The following PCDHGA6 variants were observed in gnomAD, a reference collection of about 807,000 sequenced individuals.
PCDHGA6 encodes protocadherin gamma-A6.
In PCDHGA6, 41 loss-of-function variants were observed where a neutral mutation model predicts 60.6. That is an observed-to-expected ratio of 0.68 (90% confidence interval 0.53 to 0.88). PCDHGA6 has a LOEUF of 0.88. Ranked by LOEUF, PCDHGA6 falls within the 40% of genes least tolerant of loss-of-function variation. The pLI, the probability that PCDHGA6 is intolerant of heterozygous loss-of-function variation, is 0.00. For synonymous variants in PCDHGA6, 594 were observed against 524.4 expected (o/e 1.13, Z -1.81); for missense variants, 1,312 against 1,203.0 (o/e 1.09, Z -1.34).
intron 1 of PCDHGA6, among the ~76,000 whole-genome samples, chr5:141,381,686 AAAC>A (rs1269227136): frequency 2.6e-5 from 4 of 152,308 alleles, no homozygotes; most frequent in Non-Finnish European, 4.4e-5. Context: ...CAGCCAAGAC[AAAC>A]AACGATTTCT....
At position 141,393,913 on chromosome 5, in the gene PCDHGA6, C is replaced by T. The variant is rs1170452204; in HGVS notation, c.2424+17406C>T. ...AATTCTCTTCCCGGGACAGTAATTG[C>T]CTTCTTGAGTGTGCATGACCAAGAC... On this transcript the variant is annotated intron_variant, in intron 1 of 3. Coordinates refer to ENST00000517434, the MANE Select transcript of PCDHGA6 (RefSeq NM_018919.3). 3.1e-6 allele frequency: 5 copies of T among 1,613,780 alleles called. No homozygotes were observed. The South Asian group carries it at 3.3e-5, about 11-fold the overall frequency.
chr5:141,384,248 C>T (rs1443335110), intron 1 of PCDHGA6: 2 of 1,613,866 alleles, frequency 1.2e-6, no homozygotes, highest in South Asian at 2.2e-5. Flanking sequence ...GATAACCCAC[C>T]CACCTTCCCC....
chr5:141,487,068 T>C lies in PCDHGA6; in HGVS notation c.2425-7739T>C. ...TATGCTGGGGAGGTGCGGACGGCTG[T>C]TCCTATCCCAGCTGACCTCCCACCA... On this transcript the variant is annotated intron_variant, in intron 1 of 3. Transcript: ENST00000517434. The surrounding 1 kb of genome is among the most constrained non-coding windows in gnomAD (Gnocchi z 5.0). The C allele has an allele frequency of 6.2e-7, 1 of 1,614,166 alleles. No individual in the cohort carries two copies. The highest frequency in any genetic ancestry group is 8.5e-7 in the Non-Finnish European group (1 of 1,180,016).
chr5:141,450,758 A>G (rs1007910264), intron 1 of PCDHGA6, among the ~76,000 whole-genome samples: 2 of 151,784 alleles, frequency 1.3e-5, no homozygotes, highest in African/African-American at 4.8e-5. Flanking sequence ...AAGTGCCGGG[A>G]TTACAGGCAT....
At chr5:141,392,682 C>T in intron 1 of PCDHGA6, 2 of 1,035,550 alleles carry the variant, frequency 1.9e-6, no homozygotes, top group Non-Finnish European at 2.7e-6. Flanking sequence ...TGGACTGCAG[C>T]GAAACCCGAC....
At chr5:141,481,879 A>G (rs1204365605) in intron 1 of PCDHGA6, among the ~76,000 whole-genome samples, 1 of 144,890 alleles carries the variant, frequency 6.9e-6, no homozygotes, top group Non-Finnish European at 1.5e-5. Context: ...GCGCCACTGC[A>G]CTCCAGCCTG....
intron 1 of PCDHGA6, chr5:141,387,676 G>C: frequency 2.7e-6 from 2 of 732,232 alleles, no homozygotes; most frequent in Non-Finnish European, 4.3e-6. Context: ...AGATCTCCTC[G>C]CGCAGCCGCA....
At chr5:141,415,754 T>TTTG (rs2095935149) in intron 1 of PCDHGA6, 3 of 1,385,710 alleles carry the variant, frequency 2.2e-6, no homozygotes, top group African/African-American at 1.5e-5. Context: ...TTTTTTTTTT[T>TTTG]TTTTTTTTTT....
rs773126086 is a variant in PCDHGA6 at position 141,487,392 on chromosome 5, G to C, written c.2425-7415G>C. The C allele has an allele frequency of 6.2e-7, 1 of 1,614,176 alleles. No homozygotes were observed. Among genetic ancestry groups the C allele is most frequent in the Non-Finnish European group, 8.5e-7 (1 of 1,180,024 alleles). ...GCCTGTCTCACCAGATCTCGAAGGA[G>C]GGAGGGGCTTCCCCCTTCCAATGGG... On this transcript the variant is annotated intron_variant, in intron 1 of 3. Coordinates refer to ENST00000517434, the MANE Select transcript of PCDHGA6 (RefSeq NM_018919.3). This position sits in a 1 kb window ranked among gnomAD's most constrained non-coding sequence, Gnocchi z 5.0.
intron 1 of PCDHGA6, chr5:141,376,904 G>A (rs1773512555): frequency 5.3e-6 from 1 of 188,504 alleles, no homozygotes; most frequent in African/African-American, 2.4e-5. Context: ...AGCCAGGATG[G>A]TCTCGATCTC....
intron 2 of PCDHGA6, among the ~76,000 whole-genome samples, chr5:141,497,158 T>A (rs2099774560): frequency 6.6e-6 from 1 of 151,860 alleles, no homozygotes; most frequent in African/African-American, 2.4e-5. Flanking sequence ...AAAAATAATC[T>A]AGCCACAAAT....
At chr5:141,435,875 T>C (rs1324511823) in intron 1 of PCDHGA6, among the ~76,000 whole-genome samples, 1 of 152,100 alleles carries the variant, frequency 6.6e-6, no homozygotes, top group African/African-American at 2.4e-5. Flanking sequence ...AGAAAAGAGA[T>C]TGGAAACCCC....
At chr5:141,382,839 T>TA in intron 1 of PCDHGA6, 1 of 1,450,270 alleles carries the variant, frequency 6.9e-7, no homozygotes, top group South Asian at 1.4e-5. Flanking sequence ...TCCACCCGGA[T>TA]ACACCCGCAT....
chr5:141,414,404 T>A, intron 1 of PCDHGA6: 1 of 1,613,886 alleles, frequency 6.2e-7, no homozygotes, highest in Non-Finnish European at 8.5e-7. Context: ...AGATTGGTGA[T>A]ACACAGAGCC....
chr5:141,383,790 T>C, intron 1 of PCDHGA6: 1 of 1,614,006 alleles, frequency 6.2e-7, no homozygotes. Context: ...TGAACTCGCT[T>C]ACAGGAGAAA....
intron 1 of PCDHGA6, chr5:141,409,042 C>A: frequency 5.0e-6 from 8 of 1,614,034 alleles, no homozygotes; most frequent in Middle Eastern, 1.6e-4. Context: ...TAAACTACTA[C>A]TTCCGAAGCA....
At chr5:141,410,523 A>G (rs2095403267) in intron 1 of PCDHGA6, 3 of 1,613,800 alleles carry the variant, frequency 1.9e-6, no homozygotes, top group South Asian at 2.2e-5. Flanking sequence ...GTGCCCCTAC[A>G]TTCCAATGAA....
At position 141,413,207 on chromosome 5, in the gene PCDHGA6, C is replaced by T. The variant is rs563279284; in HGVS notation, c.2424+36700C>T. The T allele has an allele frequency of 4.7e-5, 76 of 1,612,874 alleles. 2 individuals carry two copies. The South Asian group carries it at 7.6e-4, about 16-fold the overall frequency. ...GCTCAAAGGAATCGCTCAAAGGAAT[C>T]AAAGGATTGCAGCGGGCTGGTCCTG... On this transcript the variant is annotated intron_variant, in intron 1 of 3. Coordinates refer to ENST00000517434, the MANE Select transcript of PCDHGA6 (RefSeq NM_018919.3).
intron 1 of PCDHGA6, chr5:141,478,112 G>A (rs2099430344): frequency 1.2e-6 from 2 of 1,613,968 alleles, no homozygotes; most frequent in South Asian, 2.2e-5. Flanking sequence ...CACTGTGTCA[G>A]TAACCGAGGA....
Sources: gnomAD v4.1 joint callset for allele counts (sites outside exome capture counted in the v4.1 genomes callset) on GRCh38, gnomAD v4.1.1 for gene constraint, Gnocchi (gnomAD v3.1) non-coding constraint, MANE v1.5 for transcripts, NCBI Gene and HGNC (gene_info 2026-07-23, HGNC 2026-07-21) for gene names.